SLC25A51: variants seen among roughly 807,000 people sequenced by gnomAD.
SLC25A51 encodes the protein solute carrier family 25 member 51, also known as mitochondrial nicotinamide adenine dinucleotide transporter SLC25A51.
Under a neutral mutation model 19.1 loss-of-function variants are expected in SLC25A51, and 11 were observed. The ratio of observed to expected loss-of-function variants is 0.58; its 90% CI spans 0.36 to 0.96. SLC25A51 has a LOEUF of 0.96. Among genes scored for constraint, SLC25A51 ranks in the 40% least tolerant of loss-of-function variants. The probability of loss-of-function intolerance (pLI) is 0.01; values close to 1 mark genes in which losing one functional copy is unlikely to be tolerated. For missense variants in SLC25A51, 201 were observed against 365.4 expected (o/e 0.55, Z 3.67); for synonymous variants, 105 against 133.6 (o/e 0.79, Z 1.47).
In SLC25A51 at chr9:37,902,367, A is replaced by T. The variant is rs117979293; in HGVS notation, c.-165+1701T>A. ...GACCACCATATCCAACTATTTTAAGAACATTACTGTACATTGAGATTCTCA... is the reference window on the plus strand; with the variant it reads ...GACCACCATATCCAACTATTTTAAGTACATTACTGTACATTGAGATTCTCA... On this transcript the variant is annotated intron_variant, in intron 1 of 2. Coordinates refer to ENST00000242275, the MANE Select transcript of SLC25A51 (RefSeq NM_033412.4). 2.1e-3 allele frequency among the ~76,000 whole-genome samples: 321 copies of T among 152,344 alleles called. 4 individuals carry two copies. The highest frequency in any genetic ancestry group is 0.016 in the Admixed American group (243 of 15,302).
At position 37,899,929 on chromosome 9, in the gene SLC25A51, T is replaced by C. The variant is rs1018257578; in HGVS notation, c.-143A>G. 1 of 157,176 alleles carries C rather than the reference T, an allele frequency of 6.4e-6. No individual in the cohort carries two copies. The highest frequency in any genetic ancestry group is 2.5e-5 in the African/African-American group (1 of 40,734). The allele number at this position is 157,176 out of a possible 1,614,324, so 9.7% of individuals were successfully genotyped here. A position where few individuals can be genotyped will look rare whatever the true frequency, so the allele number is the denominator to read the frequency against. ...TTCTGTTAGGTTCTCTCTTCTTGAG[T>C]CAATTTTGATAACTGGATTTCCTTA... is the stretch of plus-strand genomic sequence containing the variant. On this transcript the variant is annotated 5_prime_UTR_variant, in exon 2 of 3. Coordinates refer to ENST00000242275, the MANE Select transcript of SLC25A51 (RefSeq NM_033412.4).
chr9:37,889,582 G>A (rs186315029), intron 2 of SLC25A51, among the ~76,000 whole-genome samples: 18 of 151,848 alleles, frequency 1.2e-4, no homozygotes, highest in Admixed American at 1.1e-3. Flanking sequence ...AATAAAACCA[G>A]TATTCTCTTT....
chr9:37,884,279 C>G (rs558791478), downstream of SLC25A51, among the ~76,000 whole-genome samples: 15 of 152,304 alleles, frequency 9.8e-5, 1 homozygote, highest in Admixed American at 3.9e-4. Context: ...TTTTCTAATT[C>G]TTTTGACAAA....
At chr9:37,883,639 C>G (rs1392232858), downstream of SLC25A51, among the ~76,000 whole-genome samples, 2 of 152,254 alleles carry the variant, frequency 1.3e-5, no homozygotes, top group Non-Finnish European at 2.9e-5. Flanking sequence ...GGCTGAGTAG[C>G]TGCACACACC....
chr9:37,901,167 T>TA (rs201163232), intron 1 of SLC25A51, among the ~76,000 whole-genome samples: 2 of 151,328 alleles, frequency 1.3e-5, no homozygotes, highest in Non-Finnish European at 3.0e-5. Flanking sequence ...TCACCTAGTT[T>TA]AAAAAAAAAA....
At chr9:37,887,257 C>T (rs1239937020), downstream of SLC25A51, among the ~76,000 whole-genome samples, 1 of 150,528 alleles carries the variant, frequency 6.6e-6, no homozygotes, top group Non-Finnish European at 1.5e-5. Context: ...GCGGAGGTTG[C>T]AGTGAGCCAA....
rs571986060 is a variant in SLC25A51, at chr9:37,894,419, T to C, written c.-43+5410A>G. On this transcript the variant is annotated intron_variant, in intron 2 of 2. Coordinates refer to ENST00000242275, the MANE Select transcript of SLC25A51 (RefSeq NM_033412.4). Reference sequence around the variant, plus strand: ...TCGGCTCACTGCAACCTCCACCTCCTGGGTTCAACTGATTCTCCTGCCTCA... The same window carrying C: ...TCGGCTCACTGCAACCTCCACCTCCCGGGTTCAACTGATTCTCCTGCCTCA... Among the ~76,000 whole-genome samples the C allele has an allele frequency of 1.8e-4, 28 of 151,750 alleles. No homozygotes were observed. The South Asian group carries it at 5.8e-3, about 32-fold the overall frequency.
intron 2 of SLC25A51, among the ~76,000 whole-genome samples, chr9:37,890,331 C>T (rs966388431): frequency 1.3e-5 from 2 of 152,110 alleles, no homozygotes; most frequent in African/African-American, 4.8e-5. Flanking sequence ...CTGCAGTGAG[C>T]CATGATTGCA....
At chr9:37,878,659 A>C (rs1831296994), downstream of SLC25A51, 1 of 155,906 alleles carries the variant, frequency 6.4e-6, no homozygotes, top group South Asian at 2.0e-4. Context: ...AGAACTGTAC[A>C]CCGGTTGATA....
intron 1 of SLC25A51, among the ~76,000 whole-genome samples, chr9:37,901,634 T>C (rs1399112567): frequency 1.3e-5 from 2 of 152,204 alleles, no homozygotes; most frequent in Non-Finnish European, 2.9e-5. Context: ...AAATCTTCAG[T>C]GAGTCTAGTG....
chr9:37,883,374 A>C (rs1831385872), downstream of SLC25A51, among the ~76,000 whole-genome samples: 3 of 152,292 alleles, frequency 2.0e-5, no homozygotes. Context: ...AAGAAATAAA[A>C]AAAAATACTG....
chr9:37,901,461 G>A, intron 1 of SLC25A51, among the ~76,000 whole-genome samples: 1 of 152,198 alleles, frequency 6.6e-6, no homozygotes, highest in African/African-American at 2.4e-5. Context: ...GAGCCACTGT[G>A]CCTGGCTTAT....
intron 1 of SLC25A51, among the ~76,000 whole-genome samples, chr9:37,901,296 A>T (rs1460557272): frequency 6.6e-6 from 1 of 151,928 alleles, no homozygotes; most frequent in East Asian, 1.9e-4. Flanking sequence ...CAGCCTCCCA[A>T]GTAGCTGGGA....
chr9:37,897,802 C>A (rs572842693), intron 2 of SLC25A51, among the ~76,000 whole-genome samples: 1 of 152,096 alleles, frequency 6.6e-6, no homozygotes, highest in African/African-American at 2.4e-5. Flanking sequence ...CAGGTCCTAG[C>A]AGTTTTCAAG....
At chr9:37,890,099 T>C (rs756431752) in intron 2 of SLC25A51, among the ~76,000 whole-genome samples, 38 of 152,156 alleles carry the variant, frequency 2.5e-4, no homozygotes, top group Non-Finnish European at 2.9e-5. Context: ...AACAGTAAGA[T>C]ACTGGCCAGG....
intron 1 of SLC25A51, among the ~76,000 whole-genome samples, chr9:37,900,893 T>G (rs1346536510): frequency 1.3e-5 from 2 of 152,208 alleles, no homozygotes; most frequent in Non-Finnish European, 2.9e-5. Flanking sequence ...AGTTTTGCTC[T>G]GTCACCTGGG....
At chr9:37,885,348 A>AC (rs1831425754), downstream of SLC25A51, among the ~76,000 whole-genome samples, 3 of 148,760 alleles carry the variant, frequency 2.0e-5, no homozygotes, top group African/African-American at 7.3e-5. Flanking sequence ...ATGATAAAAA[A>AC]AAAAAAAAAA....
chr9:37,903,283 A>T (rs1427913097), intron 1 of SLC25A51, among the ~76,000 whole-genome samples: 2 of 152,220 alleles, frequency 1.3e-5, no homozygotes, highest in South Asian at 4.1e-4. Context: ...AGAGATTACA[A>T]GTAGAGAAAA....
intron 2 of SLC25A51, among the ~76,000 whole-genome samples, chr9:37,894,398 C>T (rs1831666063): frequency 6.6e-6 from 1 of 151,316 alleles, no homozygotes; most frequent in Admixed American, 6.6e-5. Context: ...GCGATCTCGG[C>T]TCACTGCAAC....
Sources: allele counts gnomAD v4.1 joint callset (sites outside exome capture counted in the v4.1 genomes callset), GRCh38; gene constraint gnomAD v4.1.1; transcripts MANE v1.5; gene names NCBI Gene and HGNC (gene_info 2026-07-23, HGNC 2026-07-21).